SMARCA2: variants seen among roughly 807,000 people sequenced by gnomAD.
SMARCA2 encodes the protein SWI/SNF related BAF chromatin remodeling complex subunit ATPase 2.
A neutral mutation model predicts 199.8 loss-of-function variants in SMARCA2; 61 were observed. The observed-to-expected ratio is 0.31, with a 90% confidence interval of 0.25 to 0.38. The LOEUF is 0.38. Among genes scored for constraint, SMARCA2 ranks in the 10% least tolerant of loss-of-function variants. The pLI, the probability that SMARCA2 is intolerant of heterozygous loss-of-function variation, is 1.00. For missense variants in SMARCA2, 1,344 were observed against 2,012.2 expected, an observed-to-expected ratio of 0.67 and a Z score of 6.35; for synonymous variants, 935 against 732.0, an observed-to-expected ratio of 1.28 and a Z score of -4.48.
chr9:2,085,726 G>A (rs1821773819), intron 17 of SMARCA2: 1 of 151,858 alleles, frequency 6.6e-6, no homozygotes, highest in Non-Finnish European at 1.5e-5. Context: ...TGGCACGTCT[G>A]ATGCTTCTAA....
Position 2,170,536 on chromosome 9 carries a change from T to C in SMARCA2, c.4253+64T>C, listed in dbSNP as rs779391747. On this transcript the variant is annotated intron_variant, in intron 29 of 33. Transcript: ENST00000349721. The surrounding 1 kb of genome is among the most constrained non-coding windows in gnomAD (Gnocchi z 4.7). ...GGTATCCCTCGTTACGTGAAACAGA[T>C]TGAATCATATAATCGGCCTTTGGAA... 72 of 1,611,818 alleles carry C rather than the reference T, an allele frequency of 4.5e-5. No homozygotes were observed. Among genetic ancestry groups the C allele is most frequent in the Non-Finnish European group, 5.9e-5 (70 of 1,178,742 alleles).
rs115209527 is a variant in SMARCA2, at chr9:2,110,440, C to T, written c.3456+23C>T. On this transcript the variant is annotated intron_variant, in intron 24 of 33. Coordinates refer to ENST00000349721, the MANE Select transcript of SMARCA2 (RefSeq NM_003070.5). This position sits in a 1 kb window ranked among gnomAD's most constrained non-coding sequence, Gnocchi z 4.8. ...CAGGTCTGCATGTCCCACTCAGGTG[C>T]CCAGGCCTCCCTCTGGAGAGCAACT... The T allele has an allele frequency of 1.6e-3, 2,477 of 1,554,498 alleles. 43 individuals are homozygous for T. The African/African-American group carries it at 0.031, about 19-fold the overall frequency.
At chr9:2,171,689 A>G (rs949871172) in intron 29 of SMARCA2, among the ~76,000 whole-genome samples, 16 of 152,246 alleles carry the variant, frequency 1.1e-4, no homozygotes, top group Non-Finnish European at 2.1e-4. Flanking sequence ...AGTTGACTTC[A>G]TAAGTTTGGG....
chr9:2,046,386 A>G (rs1332977877), intron 4 of SMARCA2, among the ~76,000 whole-genome samples: 1 of 152,252 alleles, frequency 6.6e-6, no homozygotes. Flanking sequence ...TTATTCTGGT[A>G]ACATGGGATA....
chr9:2,075,782 C>T (rs560167070), intron 12 of SMARCA2, among the ~76,000 whole-genome samples: 8 of 152,120 alleles, frequency 5.3e-5, no homozygotes, highest in Admixed American at 6.5e-5. Flanking sequence ...CTCAGCCCCC[C>T]GAGTAGCTGG....
In SMARCA2 at chr9:2,103,378, T is replaced by C. The variant is rs531273121; in HGVS notation, c.3126-625T>C. 2.0e-5 allele frequency among the ~76,000 whole-genome samples: 3 copies of C among 152,280 alleles called. No individual in the cohort carries two copies. The South Asian group carries it at 6.2e-4, about 32-fold the overall frequency. On this transcript the variant is annotated intron_variant, in intron 22 of 33. Coordinates refer to ENST00000349721, the MANE Select transcript of SMARCA2 (RefSeq NM_003070.5). ...AAGGTTGCCAAACTCTGCTCCAATCTAAAGAAGGCATCACATGTTGCTGTG... is the reference window on the plus strand; with the variant it reads ...AAGGTTGCCAAACTCTGCTCCAATCCAAAGAAGGCATCACATGTTGCTGTG...
Position 2,158,936 on chromosome 9 carries a change from T to C in SMARCA2, c.3982-2750T>C, listed in dbSNP as rs142922426. Reference sequence around the variant, plus strand: ...GGGAGGAGGGAAGATGTTTTGTAGCTCTCTGCATTCCTGCATAAAACCTTA... The same window carrying C: ...GGGAGGAGGGAAGATGTTTTGTAGCCCTCTGCATTCCTGCATAAAACCTTA... On this transcript the variant is annotated intron_variant, in intron 27 of 33. Transcript: ENST00000349721. 193 of 1,611,552 alleles carry C rather than the reference T, an allele frequency of 1.2e-4. 1 individual carries two copies. The African/African-American group carries it at 2.2e-3, about 18-fold the overall frequency.
intron 26 of SMARCA2, among the ~76,000 whole-genome samples, chr9:2,121,380 A>C (rs918399549): frequency 6.6e-6 from 1 of 152,194 alleles, no homozygotes; most frequent in African/African-American, 2.4e-5. Flanking sequence ...TGGTTTCTTA[A>C]AGGCTGGCTT....
chr9:2,025,282 T>C (rs1317949013), intron 1 of SMARCA2, among the ~76,000 whole-genome samples: 1 of 151,872 alleles, frequency 6.6e-6, no homozygotes, highest in Non-Finnish European at 1.5e-5. Context: ...CGGGGAGTCC[T>C]GGTCTGGGGG....
chr9:2,094,157 G>T (rs921066539), intron 19 of SMARCA2, among the ~76,000 whole-genome samples: 1 of 152,192 alleles, frequency 6.6e-6, no homozygotes, highest in Non-Finnish European at 1.5e-5. Context: ...AAACCAAGTG[G>T]CCTGGAGTTG....
chr9:2,191,180 C>G, intron 32 of SMARCA2, 86 bp from the exon 33 acceptor site: 8 of 1,290,942 alleles, frequency 6.2e-6, no homozygotes, highest in Non-Finnish European at 8.9e-6. Flanking sequence ...TTTGTGTTGT[C>G]TGTAGGTTGG....
At chr9:2,168,465 A>T (rs555059132) in intron 28 of SMARCA2, among the ~76,000 whole-genome samples, 11 of 152,344 alleles carry the variant, frequency 7.2e-5, no homozygotes, top group African/African-American at 2.4e-4. Flanking sequence ...CTGAAGGCCT[A>T]CATATAATCA....
chr9:2,176,194 T>G (rs556100706), intron 29 of SMARCA2, among the ~76,000 whole-genome samples: 1 of 150,832 alleles, frequency 6.6e-6, no homozygotes, highest in East Asian at 1.9e-4. Context: ...TTTTTTTTTT[T>G]TTTTTTTTTA....
intron 19 of SMARCA2, among the ~76,000 whole-genome samples, chr9:2,089,691 T>A (rs1441310224): frequency 6.6e-6 from 1 of 152,208 alleles, no homozygotes; most frequent in Non-Finnish European, 1.5e-5. Flanking sequence ...CGTAGAATGC[T>A]ATTGATATTC....
rs2130580046 is a variant in SMARCA2 at position 2,110,653 on chromosome 9, T to C, written c.3456+236T>C. The stretch of plus-strand genomic sequence containing the variant: ...TAGAAAAACTTAGTTTCTCCTTAGT[T>C]TTAATCCCATCTCTTGGGATTGCCA... On this transcript the variant is annotated intron_variant, in intron 24 of 33. Coordinates refer to ENST00000349721, the MANE Select transcript of SMARCA2 (RefSeq NM_003070.5). This position sits in a 1 kb window ranked among gnomAD's most constrained non-coding sequence, Gnocchi z 4.8. 6.6e-6 allele frequency among the ~76,000 whole-genome samples: 1 copy of C among 152,376 alleles called. No homozygotes were observed. Among genetic ancestry groups the C allele is most frequent in the Admixed American group, 6.5e-5 (1 of 15,312 alleles).
chr9:2,139,333 G>T (rs954715310), intron 27 of SMARCA2, among the ~76,000 whole-genome samples: 2 of 152,166 alleles, frequency 1.3e-5, no homozygotes, highest in African/African-American at 2.4e-5. Context: ...GGGCAGGGGG[G>T]TAGAGAATGG....
rs145059907 is a variant in SMARCA2 at position 2,027,261 on chromosome 9, GTGAGAC to G, written c.-36-1724_-36-1719del. Reference sequence around the variant, plus strand: ...GTTCAAGACCAGCCTGGGCAATATAGTGAGACTCTGTCTTTACAAAAGATAAAAAAA... The same window carrying G: ...GTTCAAGACCAGCCTGGGCAATATAGTCTGTCTTTACAAAAGATAAAAAAA... On this transcript the variant is annotated intron_variant, in intron 1 of 33. Transcript: ENST00000349721. 7.3e-3 allele frequency among the ~76,000 whole-genome samples: 1,107 copies of G among 152,092 alleles called. 23 individuals are homozygous for G. Among genetic ancestry groups the G allele is most frequent in the African/African-American group, 0.025 (1,057 of 41,460 alleles).
intron 31 of SMARCA2, among the ~76,000 whole-genome samples, chr9:2,183,943 TCTGA>T (rs1023399824): frequency 9.9e-5 from 15 of 152,226 alleles, no homozygotes; most frequent in Admixed American, 2.0e-4. Context: ...CTGTTTTCAC[TCTGA>T]CTGTCTCACA....
At chr9:2,157,037 T>C (rs1222621032) in intron 27 of SMARCA2, among the ~76,000 whole-genome samples, 2 of 152,192 alleles carry the variant, frequency 1.3e-5, no homozygotes, top group Non-Finnish European at 2.9e-5. Flanking sequence ...AAACTTACTG[T>C]CCAAAGCCCT....
Sources: gnomAD v4.1 joint callset for allele counts (sites outside exome capture counted in the v4.1 genomes callset) on GRCh38, gnomAD v4.1.1 for gene constraint, Gnocchi (gnomAD v3.1) non-coding constraint, MANE v1.5 for transcripts, NCBI Gene and HGNC (gene_info 2026-07-23, HGNC 2026-07-21) for gene names.